The following CCDC73 variants were observed in gnomAD, a reference collection of about 807,000 sequenced individuals.
CCDC73 encodes coiled-coil domain-containing protein 73.
CCDC73 carries 95 observed loss-of-function variants against 116.5 expected under a neutral mutation model. That is an observed-to-expected ratio of 0.82 (90% CI 0.69 to 0.97). The LOEUF is 0.97. CCDC73 is among the 50% of genes least tolerant of loss of function. CCDC73 has a pLI of 0.00. For synonymous variants in CCDC73, 398 were observed against 401.3 expected (o/e 0.99, Z 0.10); for missense variants, 1,066 against 1,206.8 (o/e 0.88, Z 1.73).
intron 9 of CCDC73, among the ~76,000 whole-genome samples, chr11:32,666,195 G>T (rs1208612053): frequency 2.6e-5 from 4 of 152,056 alleles, no homozygotes; most frequent in African/African-American, 9.7e-5. Flanking sequence ...TCCTGAATTT[G>T]AATGTTGGCC....
upstream of CCDC73, among the ~76,000 whole-genome samples, chr11:32,794,926 G>A (rs1393011842): frequency 2.6e-5 from 4 of 151,036 alleles, no homozygotes; most frequent in African/African-American, 7.3e-5. Context: ...GTGGAGTGGC[G>A]CGATCTCGGC....
chr11:32,697,719 A>T (rs1289337195), intron 6 of CCDC73, among the ~76,000 whole-genome samples: 1 of 151,644 alleles, frequency 6.6e-6, no homozygotes, highest in Non-Finnish European at 1.5e-5. Flanking sequence ...CCTGACTTTG[A>T]GTGATCTGCT....
chr11:32,798,596 G>C (rs77614037), upstream of CCDC73, among the ~76,000 whole-genome samples: 5,612 of 152,232 alleles, frequency 0.037, 139 homozygotes, highest in Middle Eastern at 0.058. Flanking sequence ...GTGAACCACT[G>C]TGCCCCATCT....
At chr11:32,701,087 G>A (rs182760557) in intron 4 of CCDC73, among the ~76,000 whole-genome samples, 66 of 152,154 alleles carry the variant, frequency 4.3e-4, no homozygotes, top group African/African-American at 1.6e-3. Context: ...CAACTCCAGG[G>A]CTCAAGGGAT....
At chr11:32,610,472 T>C (rs767181649) in intron 17 of CCDC73, among the ~76,000 whole-genome samples, 1 of 152,238 alleles carries the variant, frequency 6.6e-6, no homozygotes, top group East Asian at 1.9e-4. Flanking sequence ...ATTCATTTTG[T>C]ATATGCTAAA....
chr11:32,726,671 C>G (rs1436475839), intron 2 of CCDC73, among the ~76,000 whole-genome samples: 1 of 151,954 alleles, frequency 6.6e-6, no homozygotes, highest in Non-Finnish European at 1.5e-5. Flanking sequence ...AGAATATTTA[C>G]CAAAATCAAT....
chr11:32,615,985 CTTT>C lies in CCDC73; in HGVS notation c.1327_1329del (p.Lys443del). 1 of 1,586,420 alleles carries C rather than the reference CTTT, an allele frequency of 6.3e-7. No individual in the cohort carries two copies. The highest frequency in any genetic ancestry group is 2.3e-5 in the East Asian group (1 of 44,018). ...ATAAATGAGCCTTCTTTTTTTTCTT[CTTT>C]TTCTCTGTATTCAGTATCTGAACAA... On this transcript the variant is annotated inframe_deletion, in exon 15 of 18. Transcript: ENST00000335185.
chr11:32,610,930 T>C (rs1461268100), intron 17 of CCDC73, among the ~76,000 whole-genome samples: 1 of 152,224 alleles, frequency 6.6e-6, no homozygotes, highest in Admixed American at 6.5e-5. Flanking sequence ...ACAGGCTGGA[T>C]TGTATCTATT....
chr11:32,626,548 G>A (rs1351206354), intron 14 of CCDC73, among the ~76,000 whole-genome samples: 1 of 152,164 alleles, frequency 6.6e-6, no homozygotes, highest in Non-Finnish European at 1.5e-5. Context: ...AACACAGGTG[G>A]AGGCATCACG....
chr11:32,814,280 C>G, the CCDC73 span, among the ~76,000 whole-genome samples: 1 of 152,142 alleles, frequency 6.6e-6, no homozygotes, highest in Non-Finnish European at 1.5e-5. Context: ...TGAACATTGA[C>G]GGGCCCTACT....
At chr11:32,758,272 T>C in intron 2 of CCDC73, 1 of 449,648 alleles carries the variant, frequency 2.2e-6, no homozygotes, top group Non-Finnish European at 4.5e-6. Flanking sequence ...CTCAAAATGG[T>C]CCAGCATTTG....
At chr11:32,707,504 G>A (rs1473583641) in intron 3 of CCDC73, among the ~76,000 whole-genome samples, 4 of 151,814 alleles carry the variant, frequency 2.6e-5, no homozygotes, top group Non-Finnish European at 4.4e-5. Flanking sequence ...CCTGGATAGT[G>A]ATGCGTCAGG....
At chr11:32,811,724 C>G in the CCDC73 span, among the ~76,000 whole-genome samples, 1 of 151,950 alleles carries the variant, frequency 6.6e-6, no homozygotes, top group Non-Finnish European at 1.5e-5. Flanking sequence ...TTTAAACAAC[C>G]AGATCTCACA....
At chr11:32,729,141 C>T (rs2133342963) in intron 2 of CCDC73, among the ~76,000 whole-genome samples, 1 of 152,254 alleles carries the variant, frequency 6.6e-6, no homozygotes, top group South Asian at 2.1e-4. Flanking sequence ...GCCTAGCATC[C>T]ATTAGCTATT....
chr11:32,727,626 G>A (rs1217290289), intron 2 of CCDC73, among the ~76,000 whole-genome samples: 4 of 151,996 alleles, frequency 2.6e-5, no homozygotes, highest in African/African-American at 7.3e-5. Context: ...AGGCTGGAGC[G>A]CAGTGGCGCC....
chr11:32,709,265 G>A (rs1329127131), intron 3 of CCDC73, among the ~76,000 whole-genome samples: 2 of 152,068 alleles, frequency 1.3e-5, no homozygotes, highest in African/African-American at 2.4e-5. Flanking sequence ...ACTTGATCAT[G>A]GTGGATTATC....
intron 2 of CCDC73, among the ~76,000 whole-genome samples, chr11:32,742,228 C>T (rs975795662): frequency 9.2e-5 from 14 of 152,148 alleles, no homozygotes; most frequent in African/African-American, 1.4e-4. Context: ...CTTGAGGAAT[C>T]GCCACACTGT....
chr11:32,660,650 C>A (rs1679172854), intron 9 of CCDC73, among the ~76,000 whole-genome samples: 1 of 151,800 alleles, frequency 6.6e-6, no homozygotes, highest in African/African-American at 2.4e-5. Flanking sequence ...CATAGTGAGA[C>A]CCCATCTCTA....
chr11:32,830,247 G>T, the CCDC73 span: 1 of 1,058,176 alleles, frequency 9.5e-7, no homozygotes, highest in Non-Finnish European at 1.2e-6. Context: ...GACTGGGTTG[G>T]ATTCGAACAC....
Sources: gnomAD v4.1 joint callset for allele counts (sites outside exome capture counted in the v4.1 genomes callset) on GRCh38, gnomAD v4.1.1 for gene constraint, MANE v1.5 for transcripts, NCBI Gene and HGNC (gene_info 2026-07-23, HGNC 2026-07-21) for gene names.